The following ACCSL variants were observed in gnomAD, a reference collection of about 807,000 sequenced individuals.
ACCSL encodes the protein probable inactive 1-aminocyclopropane-1-carboxylate synthase-like protein 2.
Under a neutral mutation model 61.7 loss-of-function variants are expected in ACCSL, and 55 were observed. The observed-to-expected ratio is 0.89, with a 90% CI of 0.72 to 1.12. The LOEUF (loss-of-function observed/expected upper bound fraction) is 1.12. Among genes scored for constraint, ACCSL ranks in the 50% most tolerant of loss-of-function variants. The pLI is 0.00. For synonymous variants in ACCSL, 258 were observed against 264.3 expected (o/e 0.98, Z 0.23); for missense variants, 632 against 698.0 (o/e 0.91, Z 1.07).
At chr11:43,989,879 C>T in the ACCSL span, among the ~76,000 whole-genome samples, 1 of 152,238 alleles carries the variant, frequency 6.6e-6, no homozygotes, top group Admixed American at 6.5e-5. Context: ...AGAGAAAGGG[C>T]CACCCAGAAC....
the ACCSL span, among the ~76,000 whole-genome samples, chr11:43,967,757 A>G: frequency 6.6e-6 from 1 of 152,136 alleles, no homozygotes; most frequent in African/African-American, 2.4e-5. Context: ...CAAGTTATAA[A>G]ATTATAAGCC....
At position 44,048,026 on chromosome 11, in the gene ACCSL, A is replaced by C. The variant is rs752239813; in HGVS notation, c.-11A>C. Reference sequence around the variant, plus strand: ...AGGCAGCCTTCAGAGGCCAGTAAAGATACCCGGAGTATGAGTCATCGGTCA... The same window carrying C: ...AGGCAGCCTTCAGAGGCCAGTAAAGCTACCCGGAGTATGAGTCATCGGTCA... On this transcript the variant is annotated 5_prime_UTR_variant, in exon 1 of 14. Coordinates refer to ENST00000378832, the MANE Select transcript of ACCSL (RefSeq NM_001031854.2). 6.2e-7 allele frequency: 1 copy of C among 1,600,294 alleles called. No individual in the cohort carries two copies. Among genetic ancestry groups the C allele is most frequent in the Admixed American group, 1.7e-5 (1 of 59,742 alleles).
chr11:43,933,088 A>G, the ACCSL span: 1 of 456,100 alleles, frequency 2.2e-6, no homozygotes, highest in South Asian at 1.5e-5. Context: ...CTGTTTTTCC[A>G]GTAGGCAGAA....
At chr11:43,951,428 G>C in the ACCSL span, among the ~76,000 whole-genome samples, 1 of 152,316 alleles carries the variant, frequency 6.6e-6, no homozygotes, top group East Asian at 1.9e-4. Flanking sequence ...AAATGGGCCA[G>C]CTGGGCCAGA....
chr11:44,045,065 T>C (rs1952590580), upstream of ACCSL, among the ~76,000 whole-genome samples: 1 of 152,222 alleles, frequency 6.6e-6, no homozygotes, highest in African/African-American at 2.4e-5. Flanking sequence ...ACTTTTCCCA[T>C]AGAAAGATGA....
the ACCSL span, among the ~76,000 whole-genome samples, chr11:44,021,099 C>T: frequency 4.3e-3 from 654 of 152,092 alleles, 2 homozygotes; most frequent in African/African-American, 0.015. Flanking sequence ...CATGTGTGTG[C>T]AAGTGTCTTT....
intron 13 of ACCSL, among the ~76,000 whole-genome samples, chr11:44,059,216 T>C (rs112439546): frequency 0.054 from 8,181 of 152,258 alleles, 254 homozygotes; most frequent in Middle Eastern, 0.086. Context: ...CACTCCAGCC[T>C]GGGCGACAGA....
the ACCSL span, among the ~76,000 whole-genome samples, chr11:43,967,130 A>ACTACTTCC: frequency 1.6e-5 from 2 of 124,986 alleles, no homozygotes; most frequent in Non-Finnish European, 3.4e-5. Context: ...TTGTTCTTGT[A>ACTACTTCC]CTACTTCCCT....
chr11:43,951,767 G>A, the ACCSL span, among the ~76,000 whole-genome samples: 3 of 152,308 alleles, frequency 2.0e-5, no homozygotes, highest in Admixed American at 6.5e-5. Context: ...CTGGGAGGCC[G>A]AGTCAGGTGG....
the ACCSL span, among the ~76,000 whole-genome samples, chr11:43,970,286 G>A: frequency 2.0e-5 from 3 of 152,094 alleles, no homozygotes; most frequent in African/African-American, 7.2e-5. Context: ...GCTCCCTGCA[G>A]CCTCGACCTC....
the ACCSL span, among the ~76,000 whole-genome samples, chr11:44,032,808 T>C: frequency 6.6e-6 from 1 of 152,202 alleles, no homozygotes; most frequent in Non-Finnish European, 1.5e-5. Flanking sequence ...AAAGCCCTCC[T>C]GCCAAGAATT....
chr11:44,001,611 C>T, the ACCSL span, among the ~76,000 whole-genome samples: 65,037 of 151,436 alleles, frequency 0.43, 14,594 homozygotes, highest in Middle Eastern at 0.55. Context: ...TTCATTCATG[C>T]ATTCCTGCCT....
Position 44,058,414 on chromosome 11 carries a change from T to G in ACCSL, c.1425T>G (p.Phe475Leu), listed in dbSNP as rs918548112. The change falls in exon 12 of 14, where the codon TTT (phenylalanine) becomes TTG (leucine). Residue 475 changes from phenylalanine to leucine, a missense_variant. Physicochemically the swap from Phe to Leu is conservative, Grantham distance 22. Transcript: ENST00000378832. ...TAELKALEIP[F>L]HNRSSGLYVW... is the part of the protein sequence containing the mutation. ...AGCTGAAGGCATTGGAGATCCCTTT[T>G]CACAACCGCAGCTCTGGCCTCTATG... 6.2e-7 allele frequency: 1 copy of G among 1,614,120 alleles called. No individual in the cohort carries two copies. Among genetic ancestry groups the G allele is most frequent in the East Asian group, 2.2e-5 (1 of 44,882 alleles).
chr11:43,943,938 G>GGGAGGTGGGGGA, the ACCSL span: 3 of 1,039,302 alleles, frequency 2.9e-6, no homozygotes, highest in Non-Finnish European at 3.8e-6. This position sits in a 1 kb window ranked among gnomAD's most constrained non-coding sequence, Gnocchi z 4.8. Context: ...CCAAGACTCG[G>GGGAGGTGGGGGA]GGAGGTGGGG....
At chr11:44,015,805 A>G in the ACCSL span, among the ~76,000 whole-genome samples, 2 of 152,336 alleles carry the variant, frequency 1.3e-5, no homozygotes, top group Admixed American at 1.3e-4. Context: ...TTGGACCAGT[A>G]TTTAAGCTTT....
chr11:43,994,516 A>ATG, the ACCSL span, among the ~76,000 whole-genome samples: 6,636 of 151,462 alleles, frequency 0.044, 395 homozygotes, highest in African/African-American at 0.14. Flanking sequence ...TTGTGTGTAT[A>ATG]TGTGTGTGTG....
chr11:43,961,068 G>T, the ACCSL span, among the ~76,000 whole-genome samples: 1 of 152,022 alleles, frequency 6.6e-6, no homozygotes, highest in East Asian at 1.9e-4. Context: ...TGATCCTCCC[G>T]CCTCGGCCTT....
the ACCSL span, among the ~76,000 whole-genome samples, chr11:43,984,461 C>G: frequency 6.6e-6 from 1 of 152,148 alleles, no homozygotes; most frequent in South Asian, 2.1e-4. Context: ...TATGGGATCA[C>G]ACCTCCTCTG....
At chr11:44,051,839 G>T (rs566250262) in intron 5 of ACCSL, 120 bp downstream of exon 5, 1 of 1,196,936 alleles carries the variant, frequency 8.4e-7, no homozygotes, top group East Asian at 2.3e-5. Flanking sequence ...CCCCAAAGTG[G>T]TGGGCCTTCT....
Sources: gnomAD v4.1 joint callset for allele counts (sites outside exome capture counted in the v4.1 genomes callset) on GRCh38, gnomAD v4.1.1 for gene constraint, Gnocchi (gnomAD v3.1) non-coding constraint, MANE v1.5 for transcripts, NCBI Gene and HGNC (gene_info 2026-07-23, HGNC 2026-07-21) for gene names.